CYRIB: variants seen among roughly 807,000 people sequenced by gnomAD.
CYRIB encodes the protein CYFIP related Rac1 interactor B, also known as CYFIP-related Rac1 interactor B.
CYRIB carries 8 observed loss-of-function variants against 44.2 expected under a neutral mutation model. The observed-to-expected ratio is 0.18, with a 90% CI of 0.11 to 0.33. CYRIB has a LOEUF of 0.33. Among genes scored for constraint, CYRIB ranks in the 10% least tolerant of loss-of-function variants. The pLI is 1.00. For missense variants in CYRIB, 185 were observed against 382.8 expected, an observed-to-expected ratio of 0.48 and a Z score of 4.31; for synonymous variants, 131 against 127.2, an observed-to-expected ratio of 1.03 and a Z score of -0.20.
intron 4 of CYRIB, among the ~76,000 whole-genome samples, chr8:129,867,419 T>C (rs1356743435): frequency 6.6e-6 from 1 of 151,692 alleles, no homozygotes; most frequent in African/African-American, 2.4e-5. Context: ...TGCCACCAAT[T>C]TGGCTATTTA....
chr8:129,929,873 A>G (rs1361101881), intron 1 of CYRIB, among the ~76,000 whole-genome samples: 1 of 152,150 alleles, frequency 6.6e-6, no homozygotes, highest in African/African-American at 2.4e-5. Context: ...GCCCTACTTT[A>G]TGACTTAGGA....
At chr8:129,997,410 C>G (rs905765849) in intron 1 of CYRIB, among the ~76,000 whole-genome samples, 49 of 152,138 alleles carry the variant, frequency 3.2e-4, no homozygotes, top group Admixed American at 2.1e-3. Flanking sequence ...GGTCTATAAA[C>G]ACAGACCCAA....
intron 2 of CYRIB, among the ~76,000 whole-genome samples, chr8:129,969,293 C>T (rs1245810687): frequency 6.6e-6 from 1 of 152,152 alleles, no homozygotes; most frequent in African/African-American, 2.4e-5. Flanking sequence ...GGATTACAGG[C>T]GTGAGCCACC....
intron 1 of CYRIB, among the ~76,000 whole-genome samples, chr8:129,903,919 C>G (rs952857418): frequency 6.6e-6 from 1 of 152,118 alleles, no homozygotes; most frequent in Admixed American, 6.6e-5. Flanking sequence ...TTCACTCATT[C>G]ATTCATTCAT....
chr8:129,956,598 G>A (rs898886171), intron 2 of CYRIB, among the ~76,000 whole-genome samples: 2 of 152,024 alleles, frequency 1.3e-5, no homozygotes, highest in African/African-American at 2.4e-5. Context: ...CTGTATGACA[G>A]TAGTGGTTAT....
intron 5 of CYRIB, among the ~76,000 whole-genome samples, chr8:129,860,098 A>T (rs2048561817): frequency 6.6e-6 from 1 of 152,192 alleles, no homozygotes; most frequent in South Asian, 2.1e-4. Flanking sequence ...GAACTGCAAG[A>T]TTCTGAAGGA....
At chr8:129,881,429 T>G (rs1041457274) in intron 2 of CYRIB, among the ~76,000 whole-genome samples, 1 of 152,184 alleles carries the variant, frequency 6.6e-6, no homozygotes, top group African/African-American at 2.4e-5. Context: ...AAAGACAACT[T>G]GCCACTCACT....
At chr8:129,872,214 A>C in intron 3 of CYRIB, among the ~76,000 whole-genome samples, 1 of 152,176 alleles carries the variant, frequency 6.6e-6, no homozygotes, top group East Asian at 1.9e-4. Context: ...CAGCTGCTGA[A>C]AACTAGATAC....
At chr8:129,949,111 T>C (rs1350300500) in intron 2 of CYRIB, 2 of 152,114 alleles carry the variant, frequency 1.3e-5, no homozygotes, top group African/African-American at 2.4e-5. Context: ...ATTGTGTCTA[T>C]AGTCATTAAT....
intron 1 of CYRIB, among the ~76,000 whole-genome samples, chr8:129,938,152 T>C (rs530486708): frequency 2.0e-5 from 3 of 152,318 alleles, no homozygotes; most frequent in African/African-American, 4.8e-5. Flanking sequence ...TTTCATTTTA[T>C]GAATGCTGAT....
intron 2 of CYRIB, among the ~76,000 whole-genome samples, chr8:129,969,015 C>CTTTTTTTTTTTTTTTTTTTTTTTT (rs55873104): frequency 3.9e-5 from 3 of 76,866 alleles, no homozygotes; most frequent in Non-Finnish European, 6.9e-5. Flanking sequence ...ATTTGTCCTC[C>CTTTTTTTTTTTTTTTTTTTTTTTT]TTTTTTTTTT....
chr8:129,872,596 CA>C (rs2057715022), intron 3 of CYRIB, among the ~76,000 whole-genome samples: 1 of 151,960 alleles, frequency 6.6e-6, no homozygotes, highest in Non-Finnish European at 1.5e-5. Context: ...ACAGGTAAGG[CA>C]TAAAGCACTT....
chr8:129,926,258 T>C (rs2087660782), intron 1 of CYRIB, among the ~76,000 whole-genome samples: 1 of 152,244 alleles, frequency 6.6e-6, no homozygotes, highest in African/African-American at 2.4e-5. Flanking sequence ...CACTTAAAAA[T>C]GTAAGTTTAT....
intron 1 of CYRIB, among the ~76,000 whole-genome samples, chr8:129,904,154 C>A (rs1165419568): frequency 6.6e-6 from 1 of 152,104 alleles, no homozygotes; most frequent in African/African-American, 2.4e-5. Flanking sequence ...AAGACATTAA[C>A]CCCTTGGAGA....
rs16904158 is a variant in CYRIB at position 129,843,731 on chromosome 8, T to C, written c.912-1526A>G. 8.6e-3 allele frequency among the ~76,000 whole-genome samples: 1,310 copies of C among 152,354 alleles called. 17 individuals are homozygous for C. Among genetic ancestry groups the C allele is most frequent in the African/African-American group, 0.03 (1,244 of 41,586 alleles). ...CTACATCCTTTTCAGCAGGTCCACATAGATCTTTCTGTGTTTAAGAAATTT... is the reference window on the plus strand; with the variant it reads ...CTACATCCTTTTCAGCAGGTCCACACAGATCTTTCTGTGTTTAAGAAATTT... On this transcript the variant is annotated intron_variant, in intron 11 of 11. Transcript: ENST00000519824.
chr8:129,852,061 T>C (rs572676142), intron 8 of CYRIB, 101 bp downstream of exon 10: 31 of 627,476 alleles, frequency 4.9e-5, no homozygotes, highest in African/African-American at 4.5e-4. Context: ...TGGGAGTCTG[T>C]TGGTTTCAAG....
Position 129,892,343 on chromosome 8 carries a change from AT to A in CYRIB, c.-11+10968del, listed in dbSNP as rs1244113596. 1.3e-5 allele frequency among the ~76,000 whole-genome samples: 2 copies of A among 152,216 alleles called. 1 individual carries two copies. The highest frequency in any genetic ancestry group is 2.9e-5 in the Non-Finnish European group (2 of 68,016). Reference sequence around the variant, plus strand: ...TACGTTATCATTAGACAAATATAGTATTCTGAATTCATTTTGCAAACATTAT... The same window carrying A: ...TACGTTATCATTAGACAAATATAGTATCTGAATTCATTTTGCAAACATTAT... On this transcript the variant is annotated intron_variant, in intron 2 of 11. Transcript: ENST00000519824.
intron 1 of CYRIB, among the ~76,000 whole-genome samples, chr8:129,920,752 C>A (rs139485966): frequency 6.6e-6 from 1 of 152,232 alleles, no homozygotes; most frequent in Non-Finnish European, 1.5e-5. Context: ...CTTACAAAAA[C>A]CTGTACAGTT....
At chr8:129,875,866 C>T (rs933776094) in intron 3 of CYRIB, among the ~76,000 whole-genome samples, 32 of 152,156 alleles carry the variant, frequency 2.1e-4, no homozygotes, top group Admixed American at 1.4e-3. Context: ...GTAATCCCAG[C>T]ACTTTGGGAG....
Sources: gnomAD v4.1 joint callset for allele counts (sites outside exome capture counted in the v4.1 genomes callset) on GRCh38, gnomAD v4.1.1 for gene constraint, MANE v1.5 for transcripts, NCBI Gene and HGNC (gene_info 2026-07-23, HGNC 2026-07-21) for gene names.